The following LPP variants were observed in gnomAD, a reference collection of about 807,000 sequenced individuals.
The protein encoded by LPP is LIM domain containing preferred translocation partner in lipoma, also known as lipoma-preferred partner.
Under a neutral mutation model 60.4 loss-of-function variants are expected in LPP, and 38 were observed. That is an observed-to-expected ratio of 0.63 (90% CI 0.49 to 0.83). LPP has a LOEUF of 0.83. Ranked by LOEUF, LPP falls within the 40% of genes least tolerant of loss-of-function variation. LPP has a pLI of 0.00. For synonymous variants in LPP, 328 were observed against 290.8 expected (o/e 1.13, Z -1.30); for missense variants, 902 against 783.6 (o/e 1.15, Z -1.80).
At chr3:188,687,861 A>G (rs1439675071) in intron 7 of LPP, among the ~76,000 whole-genome samples, 1 of 138,658 alleles carries the variant, frequency 7.2e-6, no homozygotes, top group South Asian at 2.3e-4. Context: ...TGCAACCTCC[A>G]CCTCCCGGGT....
At chr3:188,392,436 C>G (rs183748207) in intron 3 of LPP, among the ~76,000 whole-genome samples, 1 of 152,120 alleles carries the variant, frequency 6.6e-6, no homozygotes, top group African/African-American at 2.4e-5. Flanking sequence ...GTTGCTCCCT[C>G]GCTGCACTGT....
At position 188,609,046 on chromosome 3, in the gene LPP, A is replaced by G. The variant is rs777231633; in HGVS notation, c.430-115A>G. The G allele has an allele frequency of 1.6e-5, 13 of 797,798 alleles. No individual in the cohort carries two copies. The highest frequency in any genetic ancestry group is 2.6e-5 in the Non-Finnish European group (13 of 508,196). 49.4% of individuals were successfully genotyped at this position (797,798 alleles called of 1,614,324 possible). On this transcript the variant is annotated intron_variant, in intron 6 of 11. Transcript: ENST00000617246. The surrounding 1 kb of genome is among the most constrained non-coding windows in gnomAD (Gnocchi z 6.9). ...AGATTATGCCTTATTTGTGTTCTACATAGTAATAAATAATAATTAGCAGTT... is the reference window on the plus strand; with the variant it reads ...AGATTATGCCTTATTTGTGTTCTACGTAGTAATAAATAATAATTAGCAGTT...
intron 1 of LPP, among the ~76,000 whole-genome samples, chr3:188,190,506 G>GCTCT (rs1727871631): frequency 6.6e-6 from 1 of 152,228 alleles, no homozygotes; most frequent in Admixed American, 6.5e-5. Flanking sequence ...ACTGTGCCAT[G>GCTCT]CTCTGTTCTA....
At position 188,621,641 on chromosome 3, in the gene LPP, T is replaced by G. The variant is rs75066028; in HGVS notation, c.1113+11797T>G. ...GTGTAACCGATAAATTAGTATTCATTTAGATGGACTCCATTTTATTTTATT... is the reference window on the plus strand; with the variant it reads ...GTGTAACCGATAAATTAGTATTCATGTAGATGGACTCCATTTTATTTTATT... On this transcript the variant is annotated intron_variant, in intron 7 of 11. Transcript: ENST00000617246. Among the ~76,000 whole-genome samples, 567 of 152,270 alleles carry G rather than the reference T, an allele frequency of 3.7e-3. 5 individuals carry two copies. Among genetic ancestry groups the G allele is most frequent in the African/African-American group, 0.013 (542 of 41,546 alleles).
Position 188,765,861 on chromosome 3 carries a change from CT to C in LPP, c.1410+5605del, listed in dbSNP as rs71169019. Among the ~76,000 whole-genome samples the C allele has an allele frequency of 2.5e-3, 231 of 92,582 alleles. 1 individual carries two copies. Among genetic ancestry groups the C allele is most frequent in the African/African-American group, 5.7e-3 (132 of 23,008 alleles). The allele number at this position is 92,582 out of a possible 152,430, so 60.7% of individuals were successfully genotyped here. On this transcript the variant is annotated intron_variant, in intron 9 of 11. Transcript: ENST00000617246. ...GCAACGTGCAACTTAATGTTCAACT[CT>C]TTTTTTTTTTTTTTTTTTTTTTTTT...
chr3:188,752,898 C>T (rs1257586006), intron 8 of LPP, among the ~76,000 whole-genome samples: 1 of 152,240 alleles, frequency 6.6e-6, no homozygotes, highest in African/African-American at 2.4e-5. Context: ...GGACCATCAC[C>T]TGTCCTGATT....
intron 4 of LPP, among the ~76,000 whole-genome samples, chr3:188,429,428 G>A (rs1181058738): frequency 6.6e-6 from 1 of 152,162 alleles, no homozygotes; most frequent in Non-Finnish European, 1.5e-5. Flanking sequence ...AGGCTTAATG[G>A]TAACAGTCCC....
chr3:188,386,907 T>A (rs1349315180), intron 3 of LPP, among the ~76,000 whole-genome samples: 1 of 152,184 alleles, frequency 6.6e-6, no homozygotes, highest in East Asian at 1.9e-4. Flanking sequence ...GACATTATAA[T>A]GACCCCAAAG....
intron 6 of LPP, among the ~76,000 whole-genome samples, chr3:188,549,401 TG>T (rs1827481165): frequency 4.4e-5 from 2 of 45,172 alleles, no homozygotes; most frequent in Non-Finnish European, 1.2e-4. Flanking sequence ...TTTGTGTGTT[TG>T]TTTGTTTGTT....
At chr3:188,503,866 C>T (rs1263991006) in intron 5 of LPP, among the ~76,000 whole-genome samples, 1 of 152,118 alleles carries the variant, frequency 6.6e-6, no homozygotes, top group African/African-American at 2.4e-5. Context: ...TCAAAATTCT[C>T]CGGTTGTCTT....
intron 10 of LPP, 148 bp from the exon 11 acceptor site, chr3:188,872,495 C>A (rs1484398924): frequency 2.5e-6 from 2 of 791,774 alleles, no homozygotes; most frequent in Non-Finnish European, 4.2e-6. Flanking sequence ...GATGGAAGAA[C>A]CTCCACAGTC....
At chr3:188,856,883 C>A (rs1214585224) in intron 9 of LPP, among the ~76,000 whole-genome samples, 1 of 152,178 alleles carries the variant, frequency 6.6e-6, no homozygotes, top group African/African-American at 2.4e-5. Context: ...CAGTGTGCAA[C>A]AATCTTGTTT....
At chr3:188,696,871 GA>G (rs1365960849) in intron 7 of LPP, among the ~76,000 whole-genome samples, 1 of 152,062 alleles carries the variant, frequency 6.6e-6, no homozygotes, top group African/African-American at 2.4e-5. Context: ...TCATTTTGAT[GA>G]CTGCTTTAAT....
At position 188,497,499 on chromosome 3, in the gene LPP, A is replaced by G. The variant is rs116105068; in HGVS notation, c.306+12795A>G. ...TAATTGCATAACTTTTAAATTGTGT[A>G]TTTGATGGTATGGTGTATATTGAAA... On this transcript the variant is annotated intron_variant, in intron 5 of 11. Coordinates refer to ENST00000617246, the MANE Select transcript of LPP (RefSeq NM_001375462.1). 2.1e-3 allele frequency among the ~76,000 whole-genome samples: 316 copies of G among 152,260 alleles called. 1 individual carries two copies. Among genetic ancestry groups the G allele is most frequent in the Non-Finnish European group, 3.9e-3 (267 of 68,034 alleles).
Position 188,846,530 on chromosome 3 carries a change from A to C in LPP, c.1411-19670A>C, listed in dbSNP as rs1009206411. On this transcript the variant is annotated intron_variant, in intron 9 of 11. Transcript: ENST00000617246. Reference sequence around the variant, plus strand: ...GAAACCCCGTCTCTACTAAAAATACAAAAATTAGGCGGGCATGGTGGCGGG... The same window carrying C: ...GAAACCCCGTCTCTACTAAAAATACCAAAATTAGGCGGGCATGGTGGCGGG... 2.0e-5 allele frequency among the ~76,000 whole-genome samples: 3 copies of C among 151,964 alleles called. No individual in the cohort carries two copies. The East Asian group carries it at 5.8e-4, about 29-fold the overall frequency.
rs71169028 is a variant in LPP at position 188,883,732 on chromosome 3, C to CAAAAAA, written c.*9270_*9275dup. On this transcript the variant is annotated 3_prime_UTR_variant, in exon 12 of 12. Transcript: ENST00000617246. The stretch of plus-strand genomic sequence containing the variant: ...TGGGCGACAGAACGAGACTCCGTCT[C>CAAAAAA]AAAAAAAAAAAAAAAAAAAAAAGGT... The CAAAAAA allele has an allele frequency of 0.37, 25,688 of 69,246 alleles. 5,757 individuals are homozygous for CAAAAAA. The highest frequency in any genetic ancestry group is 0.44 in the Non-Finnish European group (17,754 of 39,932). 4.3% of individuals were successfully genotyped at this position (69,246 alleles called of 1,614,324 possible).
At chr3:188,721,305 C>T (rs1716276500) in intron 8 of LPP, among the ~76,000 whole-genome samples, 1 of 151,994 alleles carries the variant, frequency 6.6e-6, no homozygotes, top group African/African-American at 2.4e-5. Flanking sequence ...AATCCCAACA[C>T]TTTGGGAGGC....
intron 2 of LPP, among the ~76,000 whole-genome samples, chr3:188,260,707 A>G (rs944136534): frequency 1.3e-5 from 2 of 152,128 alleles, no homozygotes; most frequent in African/African-American, 4.8e-5. Context: ...GCTCCATCCC[A>G]GATGAAATCA....
At chr3:188,710,981 A>T (rs1303308934) in intron 8 of LPP, 2 of 152,214 alleles carry the variant, frequency 1.3e-5, no homozygotes, top group East Asian at 3.8e-4. Context: ...TGTTGTTTTA[A>T]GAAATGGATG....
Sources: gnomAD v4.1 joint callset for allele counts (sites outside exome capture counted in the v4.1 genomes callset) on GRCh38, gnomAD v4.1.1 for gene constraint, Gnocchi (gnomAD v3.1) non-coding constraint, MANE v1.5 for transcripts, NCBI Gene and HGNC (gene_info 2026-07-23, HGNC 2026-07-21) for gene names.